The following CDH4 variants were observed in gnomAD, a reference collection of about 807,000 sequenced individuals.
CDH4 encodes the protein cadherin-4.
CDH4 carries 33 observed loss-of-function variants against 86.0 expected under a neutral mutation model. The observed-to-expected ratio is 0.38, with a 90% confidence interval of 0.29 to 0.51. The LOEUF is 0.51. CDH4 is among the 20% of genes least tolerant of loss of function. The probability of loss-of-function intolerance (pLI) is 0.86; values close to 1 mark genes in which losing one functional copy is unlikely to be tolerated. For synonymous variants in CDH4, 555 were observed against 549.4 expected (o/e 1.01, Z -0.14); for missense variants, 1,114 against 1,307.4 (o/e 0.85, Z 2.28).
intron 2 of CDH4, among the ~76,000 whole-genome samples, chr20:61,519,419 G>A (rs180795819): frequency 1.4e-4 from 22 of 152,328 alleles, no homozygotes; most frequent in African/African-American, 4.6e-4. Flanking sequence ...TGCAGGTGCC[G>A]GCGGGAGGTC....
In CDH4 at chr20:61,663,817, C is replaced by G. The variant is rs2145835781; in HGVS notation, c.170-79746C>G. On this transcript the variant is annotated intron_variant, in intron 2 of 15. Transcript: ENST00000614565. The surrounding 1 kb of genome is among the most constrained non-coding windows in gnomAD (Gnocchi z 5.0). Reference sequence around the variant, plus strand: ...TGGGCACCACTGAACACGGGGTAAACCAATCACCAGTCACTCCCACGCTGG... The same window carrying G: ...TGGGCACCACTGAACACGGGGTAAAGCAATCACCAGTCACTCCCACGCTGG... 6.6e-6 allele frequency among the ~76,000 whole-genome samples: 1 copy of G among 152,288 alleles called. No individual in the cohort carries two copies. The highest frequency in any genetic ancestry group is 2.1e-4 in the South Asian group (1 of 4,818).
chr20:61,353,258 G>A (rs889872566), intron 2 of CDH4, among the ~76,000 whole-genome samples: 2 of 130,830 alleles, frequency 1.5e-5, no homozygotes, highest in African/African-American at 6.3e-5. Context: ...TTGTGAATGG[G>A]GATCTGGGGG....
At chr20:61,914,278 G>A (rs541243987) in intron 9 of CDH4, among the ~76,000 whole-genome samples, 13 of 152,296 alleles carry the variant, frequency 8.5e-5, no homozygotes, top group East Asian at 1.9e-4. Flanking sequence ...CACCTACCCC[G>A]GCTTCTGTGA....
chr20:61,472,452 T>C (rs538018577), intron 2 of CDH4, among the ~76,000 whole-genome samples: 11 of 152,374 alleles, frequency 7.2e-5, no homozygotes, highest in Non-Finnish European at 1.0e-4. Context: ...TTTCCTTCTT[T>C]AGTTGCTTTC....
rs1600934989 is a variant in CDH4, at chr20:61,393,342, C to T, written c.169+138405C>T. ...TTCCAGTGGTGTGGGGGACAGCAGC[C>T]GGGGGGGGCCGGGGTCTTCCTTACC... On this transcript the variant is annotated intron_variant, in intron 2 of 15. Coordinates refer to ENST00000614565, the MANE Select transcript of CDH4 (RefSeq NM_001794.5). This position sits in a 1 kb window ranked among gnomAD's most constrained non-coding sequence, Gnocchi z 4.3. 6.6e-6 allele frequency among the ~76,000 whole-genome samples: 1 copy of T among 151,238 alleles called. No homozygotes were observed. Among genetic ancestry groups the T allele is most frequent in the Non-Finnish European group, 1.5e-5 (1 of 67,756 alleles).
At chr20:61,347,095 G>A (rs2084683547) in intron 2 of CDH4, among the ~76,000 whole-genome samples, 1 of 152,202 alleles carries the variant, frequency 6.6e-6, no homozygotes, top group Non-Finnish European at 1.5e-5. Context: ...ACCCAGTGTA[G>A]GGCCCGAACT....
In CDH4 at chr20:61,844,781, C is replaced by T. The variant is rs138310095; in HGVS notation, c.690C>T (p.Tyr230=). 5.3e-5 allele frequency: 85 copies of T among 1,613,886 alleles called. 1 individual carries two copies. The East Asian group carries it at 1.4e-3, about 27-fold the overall frequency. The change falls in exon 5 of 16, where the codon TAC becomes TAT. Residue 230 remains tyrosine (Y), a synonymous_variant. Transcript: ENST00000614565. ...FSIDSMSGRM[Y]VTRPMDREEH... Reference sequence around the variant, plus strand: ...TTGACTCCATGTCCGGCCGGATGTACGTCACAAGGCCCATGGACCGGGAGG... The same window carrying T: ...TTGACTCCATGTCCGGCCGGATGTATGTCACAAGGCCCATGGACCGGGAGG...
chr20:61,534,657 C>A (rs146641140), intron 2 of CDH4, among the ~76,000 whole-genome samples: 1 of 90,978 alleles, frequency 1.1e-5, no homozygotes. Context: ...TCTTTTCTTT[C>A]TTTCTTTCTT....
chr20:61,783,498 A>AGG lies in CDH4; in HGVS notation c.576+10316_576+10317insGG, dbSNP rs1302025274. On this transcript the variant is annotated intron_variant, in intron 4 of 15. Coordinates refer to ENST00000614565, the MANE Select transcript of CDH4 (RefSeq NM_001794.5). The stretch of plus-strand genomic sequence containing the variant: ...GCCCTCAGATGTCCTGTGCCCCCGA[A>AGG]AGAAATGTAATCCCAGTTCCTTGGG... Among the ~76,000 whole-genome samples the AGG allele has an allele frequency of 3.1e-4, 32 of 103,770 alleles. 2 individuals are homozygous for AGG. Among genetic ancestry groups the AGG allele is most frequent in the South Asian group, 6.8e-4 (2 of 2,922 alleles). 68.1% of individuals were successfully genotyped at this position (103,770 alleles called of 152,430 possible). A position where few individuals can be genotyped will look rare whatever the true frequency, so the allele number is the denominator to read the frequency against.
chr20:61,662,625 G>A (rs796671962), intron 2 of CDH4, among the ~76,000 whole-genome samples: 28 of 152,292 alleles, frequency 1.8e-4, no homozygotes, highest in African/African-American at 5.1e-4. Context: ...AGGACATCTC[G>A]CAGGGCGTCA....
chr20:61,524,377 C>T (rs2085895306), intron 2 of CDH4, among the ~76,000 whole-genome samples: 1 of 152,186 alleles, frequency 6.6e-6, no homozygotes, highest in Non-Finnish European at 1.5e-5. Flanking sequence ...GCATCCTATT[C>T]CCGCATTCAA....
intron 2 of CDH4, among the ~76,000 whole-genome samples, chr20:61,694,166 G>A (rs1378900989): frequency 1.3e-5 from 2 of 152,092 alleles, no homozygotes; most frequent in South Asian, 4.2e-4. Context: ...ACAGGTGTGA[G>A]CCACCATGCC....
rs2085000057 is a variant in CDH4, at chr20:61,393,780, GA to G, written c.169+138845del. On this transcript the variant is annotated intron_variant, in intron 2 of 15. Coordinates refer to ENST00000614565, the MANE Select transcript of CDH4 (RefSeq NM_001794.5). This position sits in a 1 kb window ranked among gnomAD's most constrained non-coding sequence, Gnocchi z 4.3. ...ACACGAGTCCTGGAGACCGTGCAGT[GA>G]ACTCTTACACCCCAGGGCTCAGTGT... 6.6e-6 allele frequency among the ~76,000 whole-genome samples: 1 copy of G among 152,100 alleles called. No individual in the cohort carries two copies. The highest frequency in any genetic ancestry group is 2.1e-4 in the South Asian group (1 of 4,792).
intron 2 of CDH4, among the ~76,000 whole-genome samples, chr20:61,394,018 C>T (rs951456139): frequency 6.6e-6 from 1 of 152,150 alleles, no homozygotes; most frequent in South Asian, 2.1e-4. Flanking sequence ...AATACAAATA[C>T]TTATATAAAT....
chr20:61,299,749 A>G (rs1384032829), intron 2 of CDH4, among the ~76,000 whole-genome samples: 2 of 152,158 alleles, frequency 1.3e-5, no homozygotes, highest in Non-Finnish European at 2.9e-5. Context: ...AGCCTTTCAC[A>G]CTGCTCTGCT....
chr20:61,262,310 G>A (rs562381114), intron 2 of CDH4, among the ~76,000 whole-genome samples: 1 of 152,166 alleles, frequency 6.6e-6, no homozygotes, highest in Non-Finnish European at 1.5e-5. Context: ...CAGAGATCTC[G>A]TACTCTAAGC....
At chr20:61,522,941 G>A (rs1436120662) in intron 2 of CDH4, among the ~76,000 whole-genome samples, 2 of 152,210 alleles carry the variant, frequency 1.3e-5, no homozygotes, top group South Asian at 2.1e-4. Flanking sequence ...CTGCCGACAC[G>A]CAGGTGCATC....
At chr20:61,546,154 G>A (rs1158310411) in intron 2 of CDH4, among the ~76,000 whole-genome samples, 52 of 117,000 alleles carry the variant, frequency 4.4e-4, no homozygotes, top group Admixed American at 1.4e-3. Flanking sequence ...GTTCACATTC[G>A]TGAGGGTGTG....
chr20:61,459,782 A>G (rs1247574449), intron 2 of CDH4, among the ~76,000 whole-genome samples: 1 of 151,850 alleles, frequency 6.6e-6, no homozygotes, highest in African/African-American at 2.4e-5. Flanking sequence ...GGCAGAAATG[A>G]TTCCCCCAGG....
Sources: gnomAD v4.1 joint callset for allele counts (sites outside exome capture counted in the v4.1 genomes callset) on GRCh38, gnomAD v4.1.1 for gene constraint, Gnocchi (gnomAD v3.1) non-coding constraint, MANE v1.5 for transcripts, NCBI Gene and HGNC (gene_info 2026-07-23, HGNC 2026-07-21) for gene names.